PDE4D: variants seen among roughly 807,000 people sequenced by gnomAD.
PDE4D encodes phosphodiesterase 4D.
PDE4D carries 24 observed loss-of-function variants against 87.4 expected under a neutral mutation model. That is an observed-to-expected ratio of 0.27 (90% CI 0.20 to 0.39). The LOEUF is 0.39. PDE4D is among the 10% of genes least tolerant of loss of function. The pLI, the probability that PDE4D is intolerant of heterozygous loss-of-function variation, is 1.00. For missense variants in PDE4D, 714 were observed against 1,041.0 expected (o/e 0.69, Z 4.32); for synonymous variants, 384 against 383.2 (o/e 1.00, Z -0.02).
intron 1 of PDE4D, among the ~76,000 whole-genome samples, chr5:59,523,807 C>T (rs1016778995): frequency 3.9e-5 from 6 of 152,074 alleles, no homozygotes; most frequent in African/African-American, 1.4e-4. Context: ...GGAACAGATT[C>T]CCCCATGCTG....
At chr5:59,219,849 T>C (rs1581444030) in intron 1 of PDE4D, among the ~76,000 whole-genome samples, 1 of 152,108 alleles carries the variant, frequency 6.6e-6, no homozygotes, top group South Asian at 2.1e-4. Flanking sequence ...TTAAAAAATG[T>C]CCAGCCAGAG....
At chr5:59,141,332 T>G (rs1777858495) in intron 5 of PDE4D, among the ~76,000 whole-genome samples, 1 of 152,258 alleles carries the variant, frequency 6.6e-6, no homozygotes, top group African/African-American at 2.4e-5. Context: ...TGAAACCATC[T>G]TACAAAGTAT....
chr5:59,598,838 C>A (rs1283561559), intron 1 of PDE4D, among the ~76,000 whole-genome samples: 1 of 152,084 alleles, frequency 6.6e-6, no homozygotes, highest in Non-Finnish European at 1.5e-5. Context: ...CGGTGCTTTG[C>A]AAGGCTGAGG....
At chr5:59,244,725 TA>T (rs1758495505) in intron 1 of PDE4D, among the ~76,000 whole-genome samples, 1 of 130,268 alleles carries the variant, frequency 7.7e-6, no homozygotes, top group Admixed American at 7.8e-5. Flanking sequence ...TGTGTGTGTA[TA>T]GAGAGACCGA....
chr5:59,575,830 C>A (rs531985880), intron 1 of PDE4D, among the ~76,000 whole-genome samples: 1 of 152,210 alleles, frequency 6.6e-6, no homozygotes, highest in Non-Finnish European at 1.5e-5. Flanking sequence ...AACAGAAAAT[C>A]CATCCTGTAT....
At position 60,289,016 on chromosome 5, in the gene PDE4D, T is replaced by C. The variant is rs79019350; in HGVS notation, c.-89-103329A>G. On this transcript the variant is annotated intron_variant, in intron 1 of 16. Transcript: ENST00000502484. Reference sequence around the variant, plus strand: ...AACACAGAAGGAACATGTATAACTATATTTGAGTCAACAGCTGCTGTGCCC... The same window carrying C: ...AACACAGAAGGAACATGTATAACTACATTTGAGTCAACAGCTGCTGTGCCC... 4.6e-4 allele frequency among the ~76,000 whole-genome samples: 70 copies of C among 152,338 alleles called. No homozygotes were observed. The East Asian group carries it at 5.6e-3, about 12-fold the overall frequency.
chr5:59,979,443 T>TGTGTGTGTGTGTGTG (rs1561937917), intron 3 of PDE4D, among the ~76,000 whole-genome samples: 4 of 151,646 alleles, frequency 2.6e-5, no homozygotes, highest in Non-Finnish European at 2.9e-5. Flanking sequence ...TGTGTGTGTG[T>TGTGTGTGTGTGTGTG]TTATGATAAC....
chr5:59,299,280 AC>A (rs1254905533), intron 1 of PDE4D, among the ~76,000 whole-genome samples: 1 of 152,084 alleles, frequency 6.6e-6, no homozygotes. Flanking sequence ...GGTGAAAAGC[AC>A]CCCAGCTTCC....
At chr5:59,135,557 G>T (rs1331106031) in intron 5 of PDE4D, among the ~76,000 whole-genome samples, 2 of 152,086 alleles carry the variant, frequency 1.3e-5, no homozygotes, top group Non-Finnish European at 2.9e-5. Flanking sequence ...TCTCTGGTCT[G>T]GACTTATTTG....
At chr5:59,156,541 G>A (rs1780252289) in intron 5 of PDE4D, among the ~76,000 whole-genome samples, 1 of 151,370 alleles carries the variant, frequency 6.6e-6, no homozygotes, top group African/African-American at 2.4e-5. Flanking sequence ...TAGGGCTCTT[G>A]TAGTCATCTC....
At position 59,439,022 on chromosome 5, in the gene PDE4D, A is replaced by C. The variant is rs190978704; in HGVS notation, c.456-223054T>G. Among the ~76,000 whole-genome samples, 123 of 152,328 alleles carry C rather than the reference A, an allele frequency of 8.1e-4. No individual in the cohort carries two copies. In the Middle Eastern group the frequency reaches 0.01, roughly 13 times the overall value. On this transcript the variant is annotated intron_variant, in intron 1 of 14. Coordinates refer to ENST00000340635, the MANE Select transcript of PDE4D (RefSeq NM_001104631.2). ...TATCTCTAGATCCCTGAGTTTATTC[A>C]GCATAATTTCAAAGTTATTTGCTTG... is the stretch of plus-strand genomic sequence containing the variant.
chr5:60,330,784 C>T (rs1757250385), intron 1 of PDE4D, among the ~76,000 whole-genome samples: 1 of 152,144 alleles, frequency 6.6e-6, no homozygotes, highest in Non-Finnish European at 1.5e-5. Context: ...TGTTCTGGGA[C>T]ATTTGAGTCC....
chr5:59,522,521 A>G (rs1419146795), intron 1 of PDE4D, among the ~76,000 whole-genome samples: 1 of 152,220 alleles, frequency 6.6e-6, no homozygotes, highest in Non-Finnish European at 1.5e-5. Context: ...GCTGCACATT[A>G]ACTAACTCAT....
chr5:60,371,952 A>T (rs1761064760), intron 1 of PDE4D, among the ~76,000 whole-genome samples: 1 of 152,202 alleles, frequency 6.6e-6, no homozygotes. Flanking sequence ...GTCTTTCAGT[A>T]CAGAAATGTA....
chr5:60,489,817 C>T (rs11540077), upstream of PDE4D: 1 of 152,168 alleles, frequency 6.6e-6, no homozygotes, highest in East Asian at 1.9e-4. Context: ...CCCTGCTTCT[C>T]ATCTCCTTAA....
In PDE4D at chr5:59,373,551, C is replaced by T. The variant is rs543298754; in HGVS notation, c.456-157583G>A. On this transcript the variant is annotated intron_variant, in intron 1 of 14. Transcript: ENST00000340635. ...AGATTATGTAAAGAGACTGAATCTA[C>T]GACTCATTGGTGTCCCTGAAATACA... Among the ~76,000 whole-genome samples, 11 of 152,158 alleles carry T rather than the reference C, an allele frequency of 7.2e-5. No homozygotes were observed. The East Asian group carries it at 7.7e-4, about 11-fold the overall frequency.
At chr5:59,402,629 A>G (rs1277511151) in intron 1 of PDE4D, among the ~76,000 whole-genome samples, 1 of 150,864 alleles carries the variant, frequency 6.6e-6, no homozygotes, top group African/African-American at 2.4e-5. Context: ...AACACAGGAC[A>G]TTTATATCCA....
intron 2 of PDE4D, among the ~76,000 whole-genome samples, chr5:60,011,839 A>T (rs1235248150): frequency 6.6e-6 from 1 of 152,190 alleles, no homozygotes; most frequent in Non-Finnish European, 1.5e-5. Flanking sequence ...AGCAATTCTT[A>T]AAAAGTGGTT....
intron 1 of PDE4D, among the ~76,000 whole-genome samples, chr5:59,844,663 C>T (rs1050392433): frequency 2.6e-5 from 4 of 151,996 alleles, no homozygotes; most frequent in African/African-American, 9.7e-5. Context: ...TTTAAGATGG[C>T]CCCCAAGATT....
Sources: allele counts gnomAD v4.1 joint callset (sites outside exome capture counted in the v4.1 genomes callset), GRCh38; gene constraint gnomAD v4.1.1; transcripts MANE v1.5; gene names NCBI Gene and HGNC (gene_info 2026-07-23, HGNC 2026-07-21).